Variants in FANCM observed in about 807,000 individuals in gnomAD.
FANCM encodes FA complementation group M.
A neutral mutation model predicts 199.5 loss-of-function variants in FANCM; 140 were observed. The ratio of observed to expected loss-of-function variants is 0.70; its 90% CI spans 0.61 to 0.81. FANCM has a LOEUF of 0.81. Ranked by LOEUF, FANCM falls within the 30% of genes least tolerant of loss-of-function variation. The probability of loss-of-function intolerance (pLI) is 0.00; values close to 1 mark genes in which losing one functional copy is unlikely to be tolerated. For missense variants in FANCM, 2,410 were observed against 2,421.4 expected (o/e 1.00, Z 0.10); for synonymous variants, 840 against 836.8 (o/e 1.00, Z -0.07).
chr14:45,183,899 A>C lies in FANCM; in HGVS notation c.4512A>C (p.Leu1504Phe). 6.2e-7 allele frequency: 1 copy of C among 1,608,836 alleles called. No individual in the cohort carries two copies. Among genetic ancestry groups the C allele is most frequent in the Middle Eastern group, 1.7e-4 (1 of 6,040 alleles). The change falls in exon 17 of 23, where the codon TTA (leucine) becomes TTC (phenylalanine). Residue 1504 changes from leucine to phenylalanine, a missense_variant. Physicochemically the swap from Leu to Phe is conservative, Grantham distance 22. Coordinates refer to ENST00000267430, the MANE Select transcript of FANCM (RefSeq NM_020937.4). ...GIKVPKRQSH[L>F]KHVARKFLDD... ...AAGTCCCAAAGAGACAGAGTCACTT[A>C]AAGGTAATCTTTTTTTTAGTTTCTT...
chr14:45,176,825 A>G lies in FANCM; in HGVS notation c.4071A>G (p.Ile1357Met). The G allele has an allele frequency of 6.2e-7, 1 of 1,608,412 alleles. No individual in the cohort carries two copies. Among genetic ancestry groups the G allele is most frequent in the Non-Finnish European group, 8.5e-7 (1 of 1,176,960 alleles). ...CATTTTCTAAGATAAGAAAGGAAAT[A>G]CTTAAGACACCAGATTCTAGTAAGG... ...LNSFSKIRKE[I>M]LKTPDSSKEK... The change falls in exon 14 of 23, where the codon ATA becomes ATG. Residue 1357 changes from isoleucine (I) to methionine (M), a missense_variant. Transcript: ENST00000267430.
chr14:45,140,999 T>A (rs949142362), intron 3 of FANCM, among the ~76,000 whole-genome samples: 1 of 152,122 alleles, frequency 6.6e-6, no homozygotes, highest in African/African-American at 2.4e-5. Flanking sequence ...TGATTGCCAC[T>A]GTGCTGCAGC....
At chr14:45,143,133 A>T (rs1465743543) in intron 3 of FANCM, among the ~76,000 whole-genome samples, 1 of 150,078 alleles carries the variant, frequency 6.7e-6, no homozygotes, top group African/African-American at 2.5e-5. Context: ...TTTGTCTGTT[A>T]GGAGCTCCTT....
rs1888841203 is a variant in FANCM at position 45,178,263 on chromosome 14, C to A, written c.4222+1287C>A. ...CTATTCTATATAGTCTGGGGTTGTG[C>A]CATGACATATATATTTTTTCAAAGT... is the stretch of plus-strand genomic sequence containing the variant. On this transcript the variant is annotated intron_variant, in intron 14 of 22. Transcript: ENST00000267430. Among the ~76,000 whole-genome samples, 5 of 152,164 alleles carry A rather than the reference C, an allele frequency of 3.3e-5. No individual in the cohort carries two copies. In the South Asian group the frequency reaches 1.0e-3, roughly 31 times the overall value.
At chr14:45,152,547 TA>T (rs1453714624) in intron 5 of FANCM, among the ~76,000 whole-genome samples, 1 of 152,150 alleles carries the variant, frequency 6.6e-6, no homozygotes, top group Non-Finnish European at 1.5e-5. Flanking sequence ...TCTATCAAAC[TA>T]GGTCCAAAGT....
chr14:45,200,369 C>T lies in FANCM; in HGVS notation c.*361C>T, dbSNP rs926761958. The T allele has an allele frequency of 1.3e-5, 2 of 157,816 alleles. No individual in the cohort carries two copies. Among genetic ancestry groups the T allele is most frequent in the African/African-American group, 2.4e-5 (1 of 41,494 alleles). 9.8% of individuals were successfully genotyped at this position (157,816 alleles called of 1,614,324 possible). On this transcript the variant is annotated 3_prime_UTR_variant, in exon 23 of 23. Coordinates refer to ENST00000267430, the MANE Select transcript of FANCM (RefSeq NM_020937.4). ...AGTAAAGTTGACATGTCTATGACTA[C>T]AGCCAACTTGTCGATTTTCCCTATG...
intron 14 of FANCM, among the ~76,000 whole-genome samples, chr14:45,178,987 T>C (rs1456959503): frequency 6.6e-6 from 1 of 151,960 alleles, no homozygotes; most frequent in East Asian, 1.9e-4. Flanking sequence ...TCACCTGAGG[T>C]CAGGAGTTTG....
intron 20 of FANCM, among the ~76,000 whole-genome samples, chr14:45,194,438 ATAAT>A (rs1254461501): frequency 2.6e-5 from 4 of 152,188 alleles, no homozygotes; most frequent in African/African-American, 7.2e-5. Context: ...CTTGAAATAT[ATAAT>A]TAGATACTTT....
intron 14 of FANCM, among the ~76,000 whole-genome samples, chr14:45,179,367 C>T (rs1339446791): frequency 2.6e-5 from 4 of 152,006 alleles, no homozygotes; most frequent in Non-Finnish European, 5.9e-5. Flanking sequence ...TGATCTTTGC[C>T]TAGAAAATTT....
At chr14:45,194,192 C>T (rs887161799) in intron 20 of FANCM, among the ~76,000 whole-genome samples, 9 of 151,754 alleles carry the variant, frequency 5.9e-5, no homozygotes, top group African/African-American at 2.2e-4. Context: ...GTCCCAGCTA[C>T]TCAGGAGGCT....
rs950252616 is a variant in FANCM, at chr14:45,175,185, A to G, written c.2431A>G (p.Thr811Ala). ...SNNLASDTFITHKKSSFIKNI... is the reference protein window; with the variant it reads ...SNNLASDTFIAHKKSSFIKNI... ...TAATCTTGCCAGTGACACCTTTATC[A>G]CTCACAAGAAATCGTCATTTATAAA... Residue 811 changes from threonine to alanine, a missense_variant, in exon 14 of 23, where the codon ACT becomes GCT. By Grantham distance (58) the Thr-to-Ala change is moderately conservative (BLOSUM62 0). Coordinates refer to ENST00000267430, the MANE Select transcript of FANCM (RefSeq NM_020937.4). 1 of 1,610,788 alleles carries G rather than the reference A, an allele frequency of 6.2e-7. No individual in the cohort carries two copies. The highest frequency in any genetic ancestry group is 1.3e-5 in the African/African-American group (1 of 74,960).
intron 14 of FANCM, among the ~76,000 whole-genome samples, chr14:45,179,506 T>A (rs1888924717): frequency 6.6e-6 from 1 of 152,032 alleles, no homozygotes; most frequent in Admixed American, 6.5e-5. Flanking sequence ...ACATTTTGTC[T>A]GGAAGTCTTA....
intron 9 of FANCM, among the ~76,000 whole-genome samples, chr14:45,160,750 C>G (rs1376459263): frequency 6.6e-6 from 1 of 151,564 alleles, no homozygotes; most frequent in Non-Finnish European, 1.5e-5. Context: ...ACCGTGTTAC[C>G]CAGGACGGTC....
chr14:45,142,874 AT>A (rs1412067229), intron 3 of FANCM, among the ~76,000 whole-genome samples: 1 of 152,070 alleles, frequency 6.6e-6, no homozygotes, highest in East Asian at 1.9e-4. Context: ...TCATTGTAAA[AT>A]TACTGTTATT....
intron 3 of FANCM, among the ~76,000 whole-genome samples, chr14:45,147,581 C>T (rs1886497719): frequency 6.6e-6 from 1 of 152,072 alleles, no homozygotes; most frequent in African/African-American, 2.4e-5. Context: ...GAGCTGCTGC[C>T]CGGCCTAAAC....
chr14:45,137,171 C>G lies in FANCM; in HGVS notation c.611C>G (p.Pro204Arg). 6.2e-7 allele frequency: 1 copy of G among 1,613,694 alleles called. No homozygotes were observed. Among genetic ancestry groups the G allele is most frequent in the South Asian group, 1.1e-5 (1 of 91,072 alleles). ...AATGACCTTTCTAGAGGAGCTTGTC[C>G]CGCTGCTGAAATAAAGTGTTTAGTT... ...MVNDLSRGACPAAEIKCLVID... is the reference protein window; with the variant it reads ...MVNDLSRGACRAAEIKCLVID... The change falls in exon 2 of 23, where the codon CCC (proline) becomes CGC (arginine). Residue 204 changes from proline (P) to arginine (R), a missense_variant. Coordinates refer to ENST00000267430, the MANE Select transcript of FANCM (RefSeq NM_020937.4).
intron 2 of FANCM, among the ~76,000 whole-genome samples, chr14:45,139,258 T>G (rs1461708088): frequency 6.6e-6 from 1 of 152,242 alleles, no homozygotes; most frequent in Non-Finnish European, 1.5e-5. Flanking sequence ...TATAATGTTA[T>G]GTCTTCATAT....
intron 3 of FANCM, among the ~76,000 whole-genome samples, chr14:45,147,945 C>T (rs187695573): frequency 4.0e-4 from 60 of 151,602 alleles, no homozygotes; most frequent in African/African-American, 1.3e-3. Context: ...CACCTGTAAT[C>T]CCAGCACTTT....
At chr14:45,160,573 C>T (rs1297473730) in intron 9 of FANCM, among the ~76,000 whole-genome samples, 1 of 150,382 alleles carries the variant, frequency 6.6e-6, no homozygotes, top group Admixed American at 6.7e-5. Flanking sequence ...GAGACGGAGT[C>T]TCGCTCTGTT....
Sources: allele counts gnomAD v4.1 joint callset (sites outside exome capture counted in the v4.1 genomes callset), GRCh38; gene constraint gnomAD v4.1.1; transcripts MANE v1.5; gene names NCBI Gene and HGNC (gene_info 2026-07-23, HGNC 2026-07-21).